Variants in PRL observed in about 807,000 individuals in gnomAD.
The protein encoded by PRL is decidual prolactin.
A neutral mutation model predicts 21.3 loss-of-function variants in PRL; 24 were observed. The observed-to-expected ratio is 1.13, with a 90% confidence interval of 0.82 to 1.59. The LOEUF (loss-of-function observed/expected upper bound fraction) is 1.59, where lower values mean the gene tolerates loss of function less well. PRL is among the 40% of genes most tolerant of loss of function. PRL has a pLI of 0.00. For missense variants in PRL, 243 were observed against 286.9 expected, an observed-to-expected ratio of 0.85 and a Z score of 1.10; for synonymous variants, 118 against 115.7, an observed-to-expected ratio of 1.02 and a Z score of -0.13.
At position 22,288,035 on chromosome 6, in the gene PRL, C is replaced by T. The variant is rs1455992875; in HGVS notation, c.493-442G>A. ...TCCTGCTTTGAACTCAATCTATTGC[C>T]TATCTAGTGTATGTTCCAAAAACTT... On this transcript the variant is annotated intron_variant, in intron 4 of 4. Transcript: ENST00000306482. This position sits in a 1 kb window ranked among gnomAD's most constrained non-coding sequence, Gnocchi z 4.5. Among the ~76,000 whole-genome samples the T allele has an allele frequency of 6.6e-6, 1 of 152,136 alleles. No homozygotes were observed. Among genetic ancestry groups the T allele is most frequent in the African/African-American group, 2.4e-5 (1 of 41,424 alleles).
chr6:22,287,811 A>G (rs890491189), intron 4 of PRL, among the ~76,000 whole-genome samples: 5 of 152,218 alleles, frequency 3.3e-5, no homozygotes, highest in Non-Finnish European at 5.9e-5. Context: ...CATCTATGGG[A>G]TCACAGATGA....
chr6:22,301,632 GA>G (rs1761283578), upstream of PRL, among the ~76,000 whole-genome samples: 1 of 152,168 alleles, frequency 6.6e-6, no homozygotes, highest in South Asian at 2.1e-4. Context: ...GATTCAGACT[GA>G]AAAGTAGAGC....
In PRL at chr6:22,294,594, T is replaced by C; in HGVS notation, c.29-10A>G. 2.0e-6 allele frequency: 3 copies of C among 1,514,288 alleles called. No homozygotes were observed. Among genetic ancestry groups the C allele is most frequent in the South Asian group, 2.6e-5 (2 of 75,926 alleles). 93.8% of individuals were successfully genotyped at this position (1,514,288 alleles called of 1,614,324 possible). On this transcript the variant is annotated splice_polypyrimidine_tract_variant and intron_variant, in intron 1 of 4. Coordinates refer to ENST00000306482, the MANE Select transcript of PRL (RefSeq NM_000948.6). ...AGCAGCAGGAGGGACCCTGCTTAAA[T>C]AAGAACGCGAGCCACTCTGAGATGA...
chr6:22,290,316 C>T lies in PRL; in HGVS notation c.350G>A (p.Arg117Gln), dbSNP rs139327343. Reference sequence around the variant, plus strand: ...ATGATACAGAGGCTCATTCCAGGATCGCAATATGCTGACTATCAGGCTCAG... The same window carrying T: ...ATGATACAGAGGCTCATTCCAGGATTGCAATATGCTGACTATCAGGCTCAG... Reference protein sequence around the residue: ...DFLSLIVSILRSWNEPLYHLV... With the variant: ...DFLSLIVSILQSWNEPLYHLV... Residue 117 changes from arginine to glutamine, a missense_variant, in exon 4 of 5, where the codon CGA (arginine) becomes CAA (glutamine). Physicochemically the swap from Arg to Gln is conservative, Grantham distance 43 (BLOSUM62 1). Coordinates refer to ENST00000306482, the MANE Select transcript of PRL (RefSeq NM_000948.6). 50 of 1,606,316 alleles carry T rather than the reference C, an allele frequency of 3.1e-5. No individual in the cohort carries two copies. In the African/African-American group the frequency reaches 5.1e-4, roughly 16 times the overall value.
Position 22,294,390 on chromosome 6 carries a change from C to T in PRL, c.204+19G>A. 6.2e-7 allele frequency: 1 copy of T among 1,613,834 alleles called. No homozygotes were observed. Among genetic ancestry groups the T allele is most frequent in the Non-Finnish European group, 8.5e-7 (1 of 1,179,802 alleles). The stretch of plus-strand genomic sequence containing the variant: ...TGTGAAGGCTCCTTCAGGGAGGAAG[C>T]CAGAAGCATGGTACTTACGAATTCG... On this transcript the variant is annotated intron_variant, in intron 2 of 4. Coordinates refer to ENST00000306482, the MANE Select transcript of PRL (RefSeq NM_000948.6).
At chr6:22,292,320 G>A (rs1272004278) in intron 3 of PRL, among the ~76,000 whole-genome samples, 1 of 152,200 alleles carries the variant, frequency 6.6e-6, no homozygotes, top group Non-Finnish European at 1.5e-5. Context: ...CAAGGACAAT[G>A]TACGGATCTG....
upstream of PRL, chr6:22,297,288 C>A (rs553715334): frequency 6.3e-4 from 265 of 422,184 alleles, 1 homozygote; most frequent in African/African-American, 5.0e-3. Flanking sequence ...AAGGTGAGAT[C>A]TGAGACTAGA....
upstream of PRL, among the ~76,000 whole-genome samples, chr6:22,302,211 C>T (rs1333943329): frequency 1.3e-5 from 2 of 151,738 alleles, no homozygotes; most frequent in Non-Finnish European, 2.9e-5. Flanking sequence ...GACTATAACC[C>T]TTCAAAAAAT....
At chr6:22,294,306 G>A (rs188292080) in intron 2 of PRL, 103 bp downstream of exon 2, 3 of 1,338,138 alleles carry the variant, frequency 2.2e-6, no homozygotes, top group South Asian at 2.5e-5. Context: ...AAAATGTATC[G>A]TTTGAAATTT....
chr6:22,293,921 A>AT (rs1410960107), intron 2 of PRL, among the ~76,000 whole-genome samples: 2 of 152,228 alleles, frequency 1.3e-5, no homozygotes, highest in Non-Finnish European at 2.9e-5. Context: ...GATTTCTAGC[A>AT]TTTTGGGGTT....
In PRL at chr6:22,288,303, G is replaced by T. The variant is rs569694787; in HGVS notation, c.493-710C>A. ...GGTTCACGCATTTTGGGAGGCAGAG[G>T]CAGGTGGATCACTTGAGGTCAGGAG... On this transcript the variant is annotated intron_variant, in intron 4 of 4. Coordinates refer to ENST00000306482, the MANE Select transcript of PRL (RefSeq NM_000948.6). The surrounding 1 kb of genome is among the most constrained non-coding windows in gnomAD (Gnocchi z 4.5). Among the ~76,000 whole-genome samples the T allele has an allele frequency of 3.3e-5, 5 of 152,206 alleles. No individual in the cohort carries two copies. The highest frequency in any genetic ancestry group is 2.0e-4 in the Admixed American group (3 of 15,290).
rs79611345 is a variant in PRL at position 22,291,701 on chromosome 6, T to C, written c.312+837A>G. 7.0e-3 allele frequency among the ~76,000 whole-genome samples: 1,066 copies of C among 152,326 alleles called. 14 individuals carry two copies. The highest frequency in any genetic ancestry group is 0.024 in the African/African-American group (990 of 41,576). On this transcript the variant is annotated intron_variant, in intron 3 of 4. Coordinates refer to ENST00000306482, the MANE Select transcript of PRL (RefSeq NM_000948.6). ...CCTCCTTCTCTTATTATCATAATTA[T>C]TATTAATGAACATAGCAGACAGAAA... is the stretch of plus-strand genomic sequence containing the variant.
Position 22,290,231 on chromosome 6 carries a change from T to C in PRL, c.435A>G (p.Val145=), listed in dbSNP as rs1268474672. 6.2e-7 allele frequency: 1 copy of C among 1,611,896 alleles called. No individual in the cohort carries two copies. Among genetic ancestry groups the C allele is most frequent in the African/African-American group, 1.3e-5 (1 of 74,920 alleles). ...GCCGTTTGGTTTGCTCCTCAATCTC[T>C]ACAGCTTTGGATAGGATAGCCTCCG... ...EAPEAILSKA[V]EIEEQTKRLL... Residue 145 remains valine, a synonymous_variant, in exon 4 of 5, where the codon GTA becomes GTG. Transcript: ENST00000306482.
Position 22,290,271 on chromosome 6 carries a change from C to A in PRL, c.395G>T (p.Gly132Val). 1 of 1,612,814 alleles carries A rather than the reference C, an allele frequency of 6.2e-7. No individual in the cohort carries two copies. The highest frequency in any genetic ancestry group is 8.5e-7 in the Non-Finnish European group (1 of 1,179,042). Residue 132 changes from glycine (G) to valine (V), a missense_variant, in exon 4 of 5, where the codon GGT becomes GTT. Transcript: ENST00000306482. ...PLYHLVTEVR[G>V]MQEAPEAILS... ...GATAGCCTCCGGGGCTTCTTGCATACCACGTACTTCCGTGACCAGATGATA... is the reference window on the plus strand; with the variant it reads ...GATAGCCTCCGGGGCTTCTTGCATAACACGTACTTCCGTGACCAGATGATA...
Position 22,295,327 on chromosome 6 carries a change from T to C in PRL, c.29-743A>G, listed in dbSNP as rs532958077. Among the ~76,000 whole-genome samples, 106 of 152,248 alleles carry C rather than the reference T, an allele frequency of 7.0e-4. 1 individual carries two copies. Among genetic ancestry groups the C allele is most frequent in the African/African-American group, 2.4e-3 (101 of 41,560 alleles). On this transcript the variant is annotated intron_variant, in intron 1 of 4. Transcript: ENST00000306482. ...AAGTGATTTTCCCCAAGTCGTATCA[T>C]TAGTGGGTGAGAGAGGCATGATGCC... is the stretch of plus-strand genomic sequence containing the variant.
At chr6:22,292,688 G>T in intron 2 of PRL, 43 bp from the exon 3 acceptor site, 2 of 1,530,818 alleles carry the variant, frequency 1.3e-6, no homozygotes, top group Non-Finnish European at 1.8e-6. Context: ...GGTTGTTTGG[G>T]CATTGAATAA....
rs796532321 is a variant in PRL, at chr6:22,296,827, G to A, written c.28+128C>T. 5.0e-6 allele frequency: 5 copies of A among 1,009,064 alleles called. No individual in the cohort carries two copies. In the African/African-American group the frequency reaches 8.1e-5, roughly 16 times the overall value. 62.5% of individuals were successfully genotyped at this position (1,009,064 alleles called of 1,614,324 possible). On this transcript the variant is annotated intron_variant, in intron 1 of 4. Transcript: ENST00000306482. ...GGTGCCCTTGTAAAATTGCTTTCTAGAGGAAACATAAGATTGTGCTTCTAA... is the reference window on the plus strand; with the variant it reads ...GGTGCCCTTGTAAAATTGCTTTCTAAAGGAAACATAAGATTGTGCTTCTAA...
chr6:22,291,996 G>A (rs977413020), intron 3 of PRL, among the ~76,000 whole-genome samples: 1 of 152,114 alleles, frequency 6.6e-6, no homozygotes, highest in African/African-American at 2.4e-5. Context: ...GGGGAGTGGT[G>A]ACTTTTAACT....
chr6:22,287,954 G>C (rs545813608), intron 4 of PRL, among the ~76,000 whole-genome samples: 4 of 152,140 alleles, frequency 2.6e-5, no homozygotes, highest in East Asian at 3.9e-4. Flanking sequence ...CATTTCTCCA[G>C]TCTTGTCCCT....
Sources: gnomAD v4.1 joint callset for allele counts (sites outside exome capture counted in the v4.1 genomes callset) on GRCh38, gnomAD v4.1.1 for gene constraint, Gnocchi (gnomAD v3.1) non-coding constraint, MANE v1.5 for transcripts, NCBI Gene and HGNC (gene_info 2026-07-23, HGNC 2026-07-21) for gene names.